Variants in NKAIN2 observed in about 807,000 individuals in gnomAD.
NKAIN2 encodes the protein sodium/potassium transporting ATPase interacting 2, also known as sodium/potassium-transporting ATPase subunit beta-1-interacting protein 2.
A neutral mutation model predicts 32.6 loss-of-function variants in NKAIN2; 14 were observed. The ratio of observed to expected loss-of-function variants is 0.43; its 90% CI spans 0.28 to 0.67. NKAIN2 has a LOEUF of 0.67. NKAIN2 is among the 30% of genes least tolerant of loss of function. NKAIN2 has a pLI of 0.17. For missense variants in NKAIN2, 198 were observed against 258.3 expected (o/e 0.77, Z 1.60); for synonymous variants, 80 against 87.2 (o/e 0.92, Z 0.46).
intron 3 of NKAIN2, among the ~76,000 whole-genome samples, chr6:124,588,474 T>A (rs867867506): frequency 3.3e-5 from 5 of 152,270 alleles, no homozygotes; most frequent in Non-Finnish European, 5.9e-5. Context: ...CCTAACCTAT[T>A]TATGTTTTCT....
rs180999642 is a variant in NKAIN2 at position 124,307,876 on chromosome 6, T to C, written c.192+24734T>C. Reference sequence around the variant, plus strand: ...ATATATTCTTTCTAATTATCAGAATTTATCATTTCAATATATAAAATGTGA... The same window carrying C: ...ATATATTCTTTCTAATTATCAGAATCTATCATTTCAATATATAAAATGTGA... On this transcript the variant is annotated intron_variant, in intron 2 of 6. Transcript: ENST00000368417. 1.6e-3 allele frequency among the ~76,000 whole-genome samples: 249 copies of C among 152,296 alleles called. 3 individuals carry two copies. The highest frequency in any genetic ancestry group is 6.8e-3 in the Middle Eastern group (2 of 294).
intron 1 of NKAIN2, among the ~76,000 whole-genome samples, chr6:123,849,619 T>C (rs961208186): frequency 2.6e-5 from 4 of 152,190 alleles, no homozygotes; most frequent in African/African-American, 9.6e-5. Context: ...TTCGGCAGTC[T>C]GCAGGCAACT....
chr6:124,342,250 T>A (rs950692205), intron 2 of NKAIN2, among the ~76,000 whole-genome samples: 108 of 145,712 alleles, frequency 7.4e-4, no homozygotes, highest in African/African-American at 2.7e-3. Flanking sequence ...AAAAAAAAAA[T>A]ACAAAAAAAT....
intron 1 of NKAIN2, among the ~76,000 whole-genome samples, chr6:124,161,994 A>T (rs1788303817): frequency 6.6e-6 from 1 of 152,152 alleles, no homozygotes; most frequent in Non-Finnish European, 1.5e-5. Flanking sequence ...ATAAAATAAG[A>T]TTATTTGAAG....
At chr6:123,844,879 AG>A (rs1360160673) in intron 1 of NKAIN2, among the ~76,000 whole-genome samples, 2 of 152,216 alleles carry the variant, frequency 1.3e-5, no homozygotes, top group Non-Finnish European at 2.9e-5. Context: ...GAATGATTTG[AG>A]GAGATTTGCT....
At chr6:124,622,579 A>G (rs142709956) in intron 3 of NKAIN2, among the ~76,000 whole-genome samples, 113 of 152,294 alleles carry the variant, frequency 7.4e-4, no homozygotes, top group Middle Eastern at 6.8e-3. Context: ...AGCTTTCTGT[A>G]TCCCAAGTTA....
intron 3 of NKAIN2, among the ~76,000 whole-genome samples, chr6:124,389,713 ATTTGTGTGTGTG>A (rs2114408598): frequency 1.0e-5 from 1 of 99,070 alleles, no homozygotes; most frequent in African/African-American, 4.2e-5. Context: ...CTCTGTGTAC[ATTTGTGTGTGTG>A]TGTGTGTGTG....
intron 1 of NKAIN2, among the ~76,000 whole-genome samples, chr6:123,965,847 T>A (rs1164921703): frequency 6.6e-6 from 1 of 152,216 alleles, no homozygotes; most frequent in Non-Finnish European, 1.5e-5. Flanking sequence ...TCTTAAATTC[T>A]GTCTTGTATT....
At chr6:123,968,165 A>G (rs1402826339) in intron 1 of NKAIN2, among the ~76,000 whole-genome samples, 3 of 152,174 alleles carry the variant, frequency 2.0e-5, no homozygotes, top group Non-Finnish European at 2.9e-5. Flanking sequence ...TGTTCTCAGT[A>G]TAATCACTGT....
intron 3 of NKAIN2, among the ~76,000 whole-genome samples, chr6:124,426,937 G>A (rs1022244690): frequency 6.6e-6 from 1 of 152,070 alleles, no homozygotes; most frequent in African/African-American, 2.4e-5. Context: ...ATGATTATGA[G>A]GCCTCCCCAG....
intron 5 of NKAIN2, among the ~76,000 whole-genome samples, chr6:124,815,214 C>CTA (rs1200227151): frequency 2.2e-4 from 15 of 68,790 alleles, no homozygotes; most frequent in South Asian, 4.4e-4. Context: ...CAGTCTTAAA[C>CTA]TATATATATA....
At chr6:124,769,239 AATG>A (rs1778644358) in intron 4 of NKAIN2, among the ~76,000 whole-genome samples, 1 of 152,154 alleles carries the variant, frequency 6.6e-6, no homozygotes, top group Non-Finnish European at 1.5e-5. Context: ...GGTGAGACAT[AATG>A]ATAAGAAAGG....
At chr6:123,910,615 T>C (rs956965574) in intron 1 of NKAIN2, among the ~76,000 whole-genome samples, 4 of 148,016 alleles carry the variant, frequency 2.7e-5, no homozygotes, top group African/African-American at 9.9e-5. Flanking sequence ...GCAATTCTCC[T>C]GCCTCAGCCT....
At position 124,237,074 on chromosome 6, in the gene NKAIN2, C is replaced by T. The variant is rs566985985; in HGVS notation, c.55-45931C>T. On this transcript the variant is annotated intron_variant, in intron 1 of 6. Transcript: ENST00000368417. ...AGTATTCTAGTTTAATCAAGGGAAC[C>T]GACGATCATTGAGACATACTATGGA... 1.6e-4 allele frequency among the ~76,000 whole-genome samples: 24 copies of T among 152,118 alleles called. No individual in the cohort carries two copies. The South Asian group carries it at 2.5e-3, about 16-fold the overall frequency.
At chr6:123,834,810 G>A (rs1053849335) in intron 1 of NKAIN2, among the ~76,000 whole-genome samples, 4 of 151,792 alleles carry the variant, frequency 2.6e-5, no homozygotes, top group African/African-American at 4.8e-5. Flanking sequence ...TTTTTTTTGC[G>A]TGTACTGATA....
intron 1 of NKAIN2, among the ~76,000 whole-genome samples, chr6:124,251,555 CA>C (rs1793692082): frequency 6.6e-6 from 1 of 151,712 alleles, no homozygotes; most frequent in South Asian, 2.1e-4. Flanking sequence ...AGACATTTTA[CA>C]AAAGAGGAAA....
intron 3 of NKAIN2, among the ~76,000 whole-genome samples, chr6:124,569,779 C>G (rs1305924234): frequency 6.6e-6 from 1 of 152,010 alleles, no homozygotes; most frequent in Non-Finnish European, 1.5e-5. Flanking sequence ...TGGACTAATA[C>G]AGTAAATTGG....
intron 4 of NKAIN2, among the ~76,000 whole-genome samples, chr6:124,697,702 T>TGCTA (rs1774567558): frequency 6.6e-6 from 1 of 152,212 alleles, no homozygotes; most frequent in Admixed American, 6.5e-5. Flanking sequence ...CTGTTTCAAA[T>TGCTA]GCTACATTTT....
At chr6:124,780,039 A>G (rs1779187547) in intron 4 of NKAIN2, among the ~76,000 whole-genome samples, 1 of 152,200 alleles carries the variant, frequency 6.6e-6, no homozygotes, top group Non-Finnish European at 1.5e-5. Context: ...AGTAGCTTGG[A>G]TTAATCTAAA....
Sources: allele counts gnomAD v4.1 joint callset (sites outside exome capture counted in the v4.1 genomes callset), GRCh38; gene constraint gnomAD v4.1.1; transcripts MANE v1.5; gene names NCBI Gene and HGNC (gene_info 2026-07-23, HGNC 2026-07-21).